KLHDC4: variants seen among roughly 807,000 people sequenced by gnomAD.
The protein encoded by KLHDC4 is kelch domain containing 4.
A neutral mutation model predicts 62.4 loss-of-function variants in KLHDC4; 90 were observed. That is an observed-to-expected ratio of 1.44 (90% CI 1.22 to 1.72). The LOEUF (loss-of-function observed/expected upper bound fraction) is 1.72. Ranked by LOEUF, KLHDC4 falls within the 40% of genes most tolerant of loss-of-function variation. KLHDC4 has a pLI of 0.00. For missense variants in KLHDC4, 1,025 were observed against 699.7 expected, an observed-to-expected ratio of 1.47 and a Z score of -5.25; for synonymous variants, 386 against 284.4, an observed-to-expected ratio of 1.36 and a Z score of -3.59.
In KLHDC4 at chr16:87,756,425, C is replaced by T. The variant is rs778377819; in HGVS notation, c.244G>A (p.Gly82Arg). The part of the protein sequence containing the change: ...HPEKDELILF[G>R]GEYFNGQKTF... The stretch of plus-strand genomic sequence containing the variant: ...TTTTGGCCGTTGAAATATTCACCTC[C>T]AAAAAGGATTAACTCATCTTTCTCA... The change falls in exon 3 of 12, where the codon GGA (glycine) becomes AGA (arginine). Residue 82 changes from glycine to arginine, a missense_variant. By Grantham distance (125) the Gly-to-Arg change is moderately radical. Coordinates refer to ENST00000270583, the MANE Select transcript of KLHDC4 (RefSeq NM_017566.4). The T allele has an allele frequency of 8.1e-6, 13 of 1,613,690 alleles. No individual in the cohort carries two copies. In the East Asian group the frequency reaches 2.9e-4, roughly 36 times the overall value.
At chr16:87,729,001 T>C (rs1245035011) in intron 6 of KLHDC4, among the ~76,000 whole-genome samples, 1 of 152,116 alleles carries the variant, frequency 6.6e-6, no homozygotes, top group East Asian at 1.9e-4. Flanking sequence ...GGTCTCAAAC[T>C]TCTGGCCTCA....
chr16:87,726,846 C>T lies in KLHDC4; in HGVS notation c.678G>A (p.Thr226=), dbSNP rs757496342. The T allele has an allele frequency of 3.7e-6, 6 of 1,613,106 alleles. No individual in the cohort carries two copies. Among genetic ancestry groups the T allele is most frequent in the East Asian group, 2.2e-5 (1 of 44,732 alleles). ...FTWSKLSPSG[T]GPTPRSGCQM... ...GGCAGCCTGATCTGGGTGTGGGCCC[C>T]GTCCCTGACGGGGACAGCTTGCTCC... is the stretch of plus-strand genomic sequence containing the variant. The change falls in exon 7 of 12, where the codon ACG becomes ACA. Residue 226 remains threonine, a synonymous_variant. Transcript: ENST00000270583.
chr16:87,702,334 G>C (rs760025608), exon 1 of KLHDC4: 2 of 455,088 alleles, frequency 4.4e-6, no homozygotes, highest in Non-Finnish European at 4.4e-6. Context: ...GTCAGGCTGA[G>C]AGAGGAAGAT....
intron 2 of KLHDC4, among the ~76,000 whole-genome samples, chr16:87,759,121 G>A (rs969922540): frequency 1.3e-5 from 2 of 152,108 alleles, no homozygotes; most frequent in Admixed American, 6.6e-5. Context: ...GCGGTGAGCC[G>A]ATATCATACC....
At chr16:87,743,537 G>A (rs780812556) in intron 5 of KLHDC4, among the ~76,000 whole-genome samples, 11 of 151,946 alleles carry the variant, frequency 7.2e-5, no homozygotes, top group Non-Finnish European at 1.3e-4. Context: ...TCAGGAGATC[G>A]AGACCATCCT....
intron 5 of KLHDC4, among the ~76,000 whole-genome samples, chr16:87,739,241 CCTCATCCATCCACACACCAGCAT>C (rs2041864524): frequency 8.7e-6 from 1 of 115,330 alleles, no homozygotes; most frequent in Non-Finnish European, 1.8e-5. Flanking sequence ...CACACCAGCA[CCTCATCCATCCACACACCAGCAT>C]CTCATCCATC....
At chr16:87,764,863 G>C (rs1476490103) in intron 1 of KLHDC4, among the ~76,000 whole-genome samples, 1 of 148,778 alleles carries the variant, frequency 6.7e-6, no homozygotes, top group Non-Finnish European at 1.5e-5. Flanking sequence ...AAGAGCCTAA[G>C]AGGAGTGTGA....
downstream of KLHDC4, among the ~76,000 whole-genome samples, chr16:87,706,771 T>C (rs2034785585): frequency 6.6e-6 from 1 of 152,012 alleles, no homozygotes; most frequent in Admixed American, 6.6e-5. Context: ...CGAGTGCCCC[T>C]GAGATGATCC....
chr16:87,714,504 T>C lies in KLHDC4; in HGVS notation c.829A>G (p.Arg277Gly), dbSNP rs1567672015. ...GGAGGCACAGCACCTCTACCTTCTC[T>C]TCCGTCCTCTGGCTTCAGCAGGAAC... The part of the protein sequence containing the change: ...DMFLLKPEDG[R>G]EDKWVWTRMN... The change falls in exon 8 of 12, where the codon AGA becomes GGA. Residue 277 changes from arginine (R) to glycine (G), a missense_variant. Coordinates refer to ENST00000270583, the MANE Select transcript of KLHDC4 (RefSeq NM_017566.4). The C allele has an allele frequency of 6.2e-7, 1 of 1,614,100 alleles. No individual in the cohort carries two copies. The highest frequency in any genetic ancestry group is 1.7e-5 in the Admixed American group (1 of 60,028).
At chr16:87,725,197 A>G (rs2039130752) in intron 7 of KLHDC4, among the ~76,000 whole-genome samples, 1 of 152,074 alleles carries the variant, frequency 6.6e-6, no homozygotes, top group Non-Finnish European at 1.5e-5. Context: ...AGCGGGGCCG[A>G]GTGGGAAGGG....
chr16:87,755,285 A>C lies in KLHDC4; in HGVS notation c.278T>G (p.Leu93Trp). The C allele has an allele frequency of 6.3e-7, 1 of 1,581,662 alleles. No homozygotes were observed. The highest frequency in any genetic ancestry group is 1.3e-5 in the African/African-American group (1 of 74,268). ...GEYFNGQKTF[L>W]YNELYVYNTR... is the part of the protein sequence containing the mutation. Reference sequence around the variant, plus strand: ...ATTGTAGACATAGAGCTCGTTATACAAAAAAGTCTACAGGAAGGAAGAAGA... The same window carrying C: ...ATTGTAGACATAGAGCTCGTTATACCAAAAAGTCTACAGGAAGGAAGAAGA... Residue 93 changes from leucine to tryptophan, a missense_variant, in exon 4 of 12, where the codon TTG becomes TGG. Transcript: ENST00000270583.
At chr16:87,732,067 G>GT (rs1334786685) in intron 5 of KLHDC4, among the ~76,000 whole-genome samples, 10 of 151,384 alleles carry the variant, frequency 6.6e-5, no homozygotes, top group African/African-American at 2.4e-4. Flanking sequence ...CATCTTGTCT[G>GT]TGGTGCTAAT....
downstream of KLHDC4, among the ~76,000 whole-genome samples, chr16:87,704,930 G>C (rs981300706): frequency 6.6e-6 from 1 of 152,348 alleles, no homozygotes; most frequent in East Asian, 1.9e-4. Context: ...ATGGGCGGCA[G>C]GGGGAGCATG....
chr16:87,765,790 A>G lies in KLHDC4; in HGVS notation c.99+2T>C, dbSNP rs1338462545. On this transcript the variant is annotated splice_donor_variant, in intron 1 of 11. Coordinates refer to ENST00000270583, the MANE Select transcript of KLHDC4 (RefSeq NM_017566.4). LOFTEE classifies it high-confidence loss of function. Reference sequence around the variant, plus strand: ...CCGCTAAGCCCGGTCTGACCCGCTCACCTCCTCCTTCCGCGAGCGCTTAGA... The same window carrying G: ...CCGCTAAGCCCGGTCTGACCCGCTCGCCTCCTCCTTCCGCGAGCGCTTAGA... The G allele has an allele frequency of 1.3e-6, 2 of 1,569,772 alleles. No homozygotes were observed. The highest frequency in any genetic ancestry group is 3.8e-5 in the Admixed American group (2 of 53,076).
At chr16:87,763,262 A>C (rs1313026601) in intron 1 of KLHDC4, among the ~76,000 whole-genome samples, 1 of 152,178 alleles carries the variant, frequency 6.6e-6, no homozygotes, top group Non-Finnish European at 1.5e-5. Flanking sequence ...CTTTTATTAC[A>C]CATGTGTATC....
In KLHDC4 at chr16:87,726,886, A is replaced by C. The variant is rs764523118; in HGVS notation, c.638T>G (p.Leu213Arg). The change falls in exon 7 of 12, where the codon CTG (leucine) becomes CGG (arginine). Residue 213 changes from leucine to arginine, a missense_variant. Coordinates refer to ENST00000270583, the MANE Select transcript of KLHDC4 (RefSeq NM_017566.4). ...CAGCTTGCTCCATGTGAAGGTGTCC[A>C]GATTAAAGGCATACACGTCGTTGTA... The part of the protein sequence containing the change: ...IYYNDVYAFN[L>R]DTFTWSKLSP... 23 of 1,613,852 alleles carry C rather than the reference A, an allele frequency of 1.4e-5. No individual in the cohort carries two copies. In the Admixed American group the frequency reaches 3.5e-4, roughly 25 times the overall value.
intron 5 of KLHDC4, chr16:87,740,575 G>A (rs929890605): frequency 1.3e-5 from 2 of 152,244 alleles, no homozygotes; most frequent in Non-Finnish European, 2.9e-5. Context: ...TCTCCACCAG[G>A]ACACACCTTC....
chr16:87,734,161 A>G (rs970632414), intron 5 of KLHDC4, among the ~76,000 whole-genome samples: 3 of 152,122 alleles, frequency 2.0e-5, no homozygotes, highest in Non-Finnish European at 2.9e-5. Flanking sequence ...CCTCACCAAC[A>G]TGGTGAAACC....
chr16:87,738,677 C>G (rs1378692448), intron 5 of KLHDC4, among the ~76,000 whole-genome samples: 3 of 130,092 alleles, frequency 2.3e-5, no homozygotes, highest in African/African-American at 8.7e-5. Flanking sequence ...ATCCACACAC[C>G]AGCACCTCAT....
Sources: allele counts gnomAD v4.1 joint callset (sites outside exome capture counted in the v4.1 genomes callset), GRCh38; gene constraint gnomAD v4.1.1; transcripts MANE v1.5; gene names NCBI Gene and HGNC (gene_info 2026-07-23, HGNC 2026-07-21).